The following DLGAP2 variants were observed in gnomAD, a reference collection of about 807,000 sequenced individuals.
The protein encoded by DLGAP2 is DLG associated protein 2.
Under a neutral mutation model 100.3 loss-of-function variants are expected in DLGAP2, and 26 were observed. The ratio of observed to expected loss-of-function variants is 0.26; its 90% CI spans 0.19 to 0.36. DLGAP2 has a LOEUF of 0.36. Among genes scored for constraint, DLGAP2 ranks in the 10% least tolerant of loss-of-function variants. The pLI, the probability that DLGAP2 is intolerant of heterozygous loss-of-function variation, is 1.00. For missense variants in DLGAP2, 1,858 were observed against 1,453.2 expected, an observed-to-expected ratio of 1.28 and a Z score of -4.53; for synonymous variants, 886 against 630.1, an observed-to-expected ratio of 1.41 and a Z score of -6.08.
chr8:940,776 C>T (rs1181418574), intron 2 of DLGAP2, among the ~76,000 whole-genome samples: 1 of 152,140 alleles, frequency 6.6e-6, no homozygotes, highest in East Asian at 1.9e-4. Context: ...GATCATTATC[C>T]AATGAGAAAA....
At chr8:1,519,998 G>A (rs551955639) in intron 4 of DLGAP2, among the ~76,000 whole-genome samples, 54 of 152,330 alleles carry the variant, frequency 3.5e-4, no homozygotes, top group African/African-American at 1.1e-3. Context: ...CAGCTGCTTC[G>A]CAGGAGCAGG....
At chr8:1,186,568 G>C (rs527826082) in intron 2 of DLGAP2, among the ~76,000 whole-genome samples, 1 of 152,130 alleles carries the variant, frequency 6.6e-6, no homozygotes, top group Middle Eastern at 3.2e-3. Context: ...ATGTTATTAC[G>C]GCCATTCCCT....
At chr8:1,434,789 G>A (rs1306328420) in intron 3 of DLGAP2, among the ~76,000 whole-genome samples, 1 of 152,130 alleles carries the variant, frequency 6.6e-6, no homozygotes, top group Non-Finnish European at 1.5e-5. Context: ...TTGGCATTTT[G>A]AGAAACAGAA....
At chr8:1,242,429 C>T (rs1001702599) in intron 2 of DLGAP2, among the ~76,000 whole-genome samples, 21 of 152,224 alleles carry the variant, frequency 1.4e-4, no homozygotes, top group African/African-American at 4.3e-4. Context: ...GGGCTTGGCC[C>T]GTCTGTTCTT....
intron 2 of DLGAP2, among the ~76,000 whole-genome samples, chr8:945,953 T>C (rs1342995989): frequency 6.6e-6 from 1 of 152,114 alleles, no homozygotes; most frequent in African/African-American, 2.4e-5. Context: ...ACTGATCTTC[T>C]CCTGTGCCCT....
At chr8:1,416,436 T>C (rs1796885860) in intron 3 of DLGAP2, among the ~76,000 whole-genome samples, 1 of 152,224 alleles carries the variant, frequency 6.6e-6, no homozygotes, top group Non-Finnish European at 1.5e-5. Context: ...TTTCCATAAA[T>C]GTGTCTGATC....
In DLGAP2 at chr8:755,901, G is replaced by A. The variant is rs1409982937; in HGVS notation, c.18+18076G>A. The stretch of plus-strand genomic sequence containing the variant: ...ACCAGAAACCATGGCAGGGAAGGAG[G>A]CGGGTGGAGAGTGTGGGATAATGCT... On this transcript the variant is annotated intron_variant, in intron 1 of 14. Coordinates refer to ENST00000637795, the MANE Select transcript of DLGAP2 (RefSeq NM_001346810.2). Among the ~76,000 whole-genome samples the A allele has an allele frequency of 2.6e-5, 4 of 152,336 alleles. No individual in the cohort carries two copies. The East Asian group carries it at 7.7e-4, about 29-fold the overall frequency.
chr8:779,864 A>G (rs1821640634), intron 1 of DLGAP2, among the ~76,000 whole-genome samples: 1 of 151,960 alleles, frequency 6.6e-6, no homozygotes, highest in South Asian at 2.1e-4. Flanking sequence ...TTATAAATTT[A>G]TATTTTATTT....
At chr8:1,251,991 GTGT>G (rs1304957823) in intron 2 of DLGAP2, among the ~76,000 whole-genome samples, 2 of 152,126 alleles carry the variant, frequency 1.3e-5, no homozygotes, top group Admixed American at 1.3e-4. Context: ...TCACACTGTG[GTGT>G]TGTCACGTGG....
intron 3 of DLGAP2, among the ~76,000 whole-genome samples, chr8:1,270,655 A>G (rs1243609760): frequency 6.6e-6 from 1 of 151,450 alleles, no homozygotes; most frequent in Non-Finnish European, 1.5e-5. Context: ...TTGCCTTAAA[A>G]TTGTGTGTCT....
At chr8:1,445,760 T>C (rs1360023025) in intron 3 of DLGAP2, among the ~76,000 whole-genome samples, 1 of 152,176 alleles carries the variant, frequency 6.6e-6, no homozygotes, top group African/African-American at 2.4e-5. Flanking sequence ...TGTTGTTTCC[T>C]GACTTTTTAA....
chr8:1,530,398 C>T (rs942425062), intron 4 of DLGAP2, among the ~76,000 whole-genome samples: 1 of 152,182 alleles, frequency 6.6e-6, no homozygotes, highest in African/African-American at 2.4e-5. Flanking sequence ...GGTTATCTCT[C>T]TTATTCCCTG....
At chr8:1,262,530 C>T (rs1799372335) in intron 3 of DLGAP2, 1 of 151,918 alleles carries the variant, frequency 6.6e-6, no homozygotes, top group Non-Finnish European at 1.5e-5. Context: ...CTACAGGGTT[C>T]TGCTTTGCAG....
intron 6 of DLGAP2, among the ~76,000 whole-genome samples, chr8:1,604,049 AC>A (rs1267810701): frequency 1.3e-5 from 2 of 152,094 alleles, no homozygotes; most frequent in African/African-American, 4.8e-5. Context: ...TGCCCAAGAC[AC>A]AGCTGGGACA....
At chr8:919,233 C>T (rs1027328934) in intron 2 of DLGAP2, among the ~76,000 whole-genome samples, 23 of 152,172 alleles carry the variant, frequency 1.5e-4, no homozygotes, top group Admixed American at 1.3e-3. Context: ...AGGAGTTGTG[C>T]ACATAATATG....
intron 3 of DLGAP2, among the ~76,000 whole-genome samples, chr8:1,420,223 C>T (rs760332323): frequency 1.9e-4 from 29 of 152,094 alleles, no homozygotes; most frequent in Middle Eastern, 3.2e-3. Flanking sequence ...TCTGCATCAG[C>T]GTAAACTCAG....
At chr8:1,639,818 G>T (rs1237081191) in intron 8 of DLGAP2, among the ~76,000 whole-genome samples, 8 of 152,196 alleles carry the variant, frequency 5.3e-5, no homozygotes, top group African/African-American at 1.9e-4. Flanking sequence ...GCTCCAGCCT[G>T]GGCCTCCATT....
At chr8:1,210,571 C>T (rs894197326) in intron 2 of DLGAP2, among the ~76,000 whole-genome samples, 23 of 152,182 alleles carry the variant, frequency 1.5e-4, no homozygotes, top group African/African-American at 5.3e-4. Context: ...GGGGAGTGTA[C>T]AGAGAAGTTT....
chr8:1,496,640 C>G (rs1224803087), intron 3 of DLGAP2, among the ~76,000 whole-genome samples: 1 of 152,172 alleles, frequency 6.6e-6, no homozygotes, highest in Non-Finnish European at 1.5e-5. Context: ...ATCACAGACC[C>G]TCTCAGATCC....
Sources: gnomAD v4.1 joint callset for allele counts (sites outside exome capture counted in the v4.1 genomes callset) on GRCh38, gnomAD v4.1.1 for gene constraint, MANE v1.5 for transcripts, NCBI Gene and HGNC (gene_info 2026-07-23, HGNC 2026-07-21) for gene names.